Variants in PABPC1 observed in about 807,000 individuals in gnomAD.
The protein encoded by PABPC1 is poly(A) binding protein cytoplasmic 1.
A neutral mutation model predicts 74.0 loss-of-function variants in PABPC1; 4 were observed. That is an observed-to-expected ratio of 0.05 (90% CI 0.03 to 0.12). The LOEUF (loss-of-function observed/expected upper bound fraction) is 0.12. Ranked by LOEUF, PABPC1 falls within the 10% of genes least tolerant of loss-of-function variation. The probability of loss-of-function intolerance (pLI) is 1.00; values close to 1 mark genes in which losing one functional copy is unlikely to be tolerated. For synonymous variants in PABPC1, 227 were observed against 264.1 expected (o/e 0.86, Z 1.36); for missense variants, 271 against 821.1 (o/e 0.33, Z 8.19).
Position 100,721,362 on chromosome 8 carries a change from CCCGG to C in PABPC1, c.193+25_193+28del, listed in dbSNP as rs778923856. On this transcript the variant is annotated intron_variant, in intron 1 of 14. Transcript: ENST00000318607. This position sits in a 1 kb window ranked among gnomAD's most constrained non-coding sequence, Gnocchi z 7.4. ...CCCGAGCCTCATGGCCGCCCGCCCG[CCCGG>C]CCGACCGCGGAGCCCGGCGCTCACC... 1.3e-5 allele frequency: 18 copies of C among 1,391,624 alleles called. No homozygotes were observed. The highest frequency in any genetic ancestry group is 2.9e-5 in the East Asian group (1 of 33,972). The allele number at this position is 1,391,624 out of a possible 1,614,324, so 86.2% of individuals were successfully genotyped here.
chr8:100,720,402 G>A (rs908507262), intron 1 of PABPC1, among the ~76,000 whole-genome samples: 2 of 152,096 alleles, frequency 1.3e-5, no homozygotes, highest in Admixed American at 6.5e-5. Flanking sequence ...AGATTTACAG[G>A]TATCATGGGC....
intron 11 of PABPC1, 48 bp from the exon 12 acceptor site, chr8:100,705,721 G>A (rs377387612): frequency 2.4e-5 from 30 of 1,245,174 alleles, no homozygotes; most frequent in Non-Finnish European, 3.4e-5. Context: ...GAAAAAGATG[G>A]CAAATACAAA....
At position 100,721,603 on chromosome 8, in the gene PABPC1, G is replaced by C. The variant is rs181020675; in HGVS notation, c.-20C>G. The C allele has an allele frequency of 6.6e-7, 1 of 1,515,686 alleles. No individual in the cohort carries two copies. The highest frequency in any genetic ancestry group is 1.4e-5 in the African/African-American group (1 of 71,680). 93.9% of individuals were successfully genotyped at this position (1,515,686 alleles called of 1,614,324 possible). A position where few individuals can be genotyped will look rare whatever the true frequency, so the allele number is the denominator to read the frequency against. On this transcript the variant is annotated 5_prime_UTR_variant, in exon 1 of 15. Transcript: ENST00000318607. The surrounding 1 kb of genome is among the most constrained non-coding windows in gnomAD (Gnocchi z 7.4). Reference sequence around the variant, plus strand: ...GTTCATCTCGGCACGGCTGCCCGCAGGGCCACAGGCCGCGACCTTTCCGTG... The same window carrying C: ...GTTCATCTCGGCACGGCTGCCCGCACGGCCACAGGCCGCGACCTTTCCGTG...
rs898965654 is a variant in PABPC1 at position 100,714,704 on chromosome 8, G to A, written c.643+758C>T. The stretch of plus-strand genomic sequence containing the variant: ...AGATCACGTGACTGCACTCCAGCCC[G>A]GGTGACAGAGCAAGAGTCAAAAAAA... On this transcript the variant is annotated intron_variant, in intron 4 of 14. Transcript: ENST00000318607. Among the ~76,000 whole-genome samples the A allele has an allele frequency of 3.3e-5, 5 of 152,058 alleles. 1 individual carries two copies. Among genetic ancestry groups the A allele is most frequent in the Admixed American group, 6.5e-5 (1 of 15,272 alleles).
rs1191702292 is a variant in PABPC1 at position 100,703,097 on chromosome 8, C to A, written c.*264G>T. 6.1e-6 allele frequency: 1 copy of A among 163,838 alleles called. No homozygotes were observed. Among genetic ancestry groups the A allele is most frequent in the Non-Finnish European group, 1.5e-5 (1 of 68,124 alleles). The allele number at this position is 163,838 out of a possible 1,614,324, so 10.1% of individuals were successfully genotyped here. ...TGTACTTTGCTGAAAATTCTTTTTC[C>A]CAGGGTCTATAAAACATTAATTTGT... On this transcript the variant is annotated 3_prime_UTR_variant, in exon 15 of 15. Transcript: ENST00000318607.
intron 11 of PABPC1, among the ~76,000 whole-genome samples, chr8:100,705,931 C>T (rs1157487963): frequency 6.6e-6 from 1 of 152,226 alleles, no homozygotes; most frequent in Non-Finnish European, 1.5e-5. Context: ...TCGCTGCAAC[C>T]TCCGCCTCCG....
chr8:100,709,762 TAATGGTAG>T (rs1466949227), intron 7 of PABPC1, 31 bp from the exon 8 acceptor site: 1 of 1,566,862 alleles, frequency 6.4e-7, no homozygotes, highest in Admixed American at 2.0e-5. Context: ...AAAGTTAACG[TAATGGTAG>T]AATGAGGAGC....
chr8:100,711,934 C>G (rs1810537715), intron 7 of PABPC1, among the ~76,000 whole-genome samples: 1 of 152,248 alleles, frequency 6.6e-6, no homozygotes, highest in Non-Finnish European at 1.5e-5. Flanking sequence ...TACTAGAATA[C>G]TACTGCTTTG....
At chr8:100,713,321 G>T in intron 4 of PABPC1, 140 bp from the exon 5 acceptor site, 1 of 509,028 alleles carries the variant, frequency 2.0e-6, no homozygotes, top group Non-Finnish European at 3.4e-6. Context: ...CTATGCCCCA[G>T]GTAGGTATAC....
intron 11 of PABPC1, 111 bp downstream of exon 11, chr8:100,706,540 A>T (rs1693555): frequency 1.1e-6 from 1 of 906,566 alleles, no homozygotes; most frequent in South Asian, 1.6e-5. Context: ...GCCTGCCTCA[A>T]CCTCCCAAAG....
intron 3 of PABPC1, 79 bp from the exon 4 acceptor site, chr8:100,715,680 G>C: frequency 9.9e-7 from 1 of 1,008,414 alleles, no homozygotes; most frequent in Non-Finnish European, 1.4e-6. Context: ...GGTTGGTTTT[G>C]TTACTGTTAA....
chr8:100,710,528 A>T (rs533783772), intron 7 of PABPC1, among the ~76,000 whole-genome samples: 13 of 152,360 alleles, frequency 8.5e-5, no homozygotes, highest in African/African-American at 3.1e-4. Flanking sequence ...ACAAATGAAA[A>T]AATGTAGAAC....
rs1193552494 is a variant in PABPC1, at chr8:100,713,157, A to C, written c.668T>G (p.Met223Arg). 6.2e-7 allele frequency: 1 copy of C among 1,610,224 alleles called. No individual in the cohort carries two copies. Among genetic ancestry groups the C allele is most frequent in the Non-Finnish European group, 8.5e-7 (1 of 1,178,692 alleles). ...TTTGGATTTTCCACTTTCATCAGTCATTACTTTCACACTTAAGGCAGGCCC... is the reference window on the plus strand; with the variant it reads ...TTTGGATTTTCCACTTTCATCAGTCCTTACTTTCACACTTAAGGCAGGCCC... ...KFGPALSVKVMTDESGKSKGF... is the reference protein window; with the variant it reads ...KFGPALSVKVRTDESGKSKGF... Residue 223 changes from methionine (M) to arginine (R), a missense_variant, in exon 5 of 15, where the codon ATG (methionine) becomes AGG (arginine). This residue lies in a region of PABPC1 where 78 missense variants were observed against 202.8 expected (regional missense o/e 0.38). Coordinates refer to ENST00000318607, the MANE Select transcript of PABPC1 (RefSeq NM_002568.4).
At chr8:100,705,315 G>A (rs966536703) in intron 12 of PABPC1, among the ~76,000 whole-genome samples, 10 of 152,232 alleles carry the variant, frequency 6.6e-5, no homozygotes, top group Non-Finnish European at 1.0e-4. Flanking sequence ...AAAGTCACAA[G>A]TTTTCTTCTC....
Position 100,709,232 on chromosome 8 carries a change from A to G in PABPC1, c.1246-9T>C, listed in dbSNP as rs748758983. ...GCAGCACGGTTCTGAGTCTGCAGGG[A>G]AAAAAAGCACATGAGTTTATCAGTT... On this transcript the variant is annotated splice_polypyrimidine_tract_variant and intron_variant, in intron 8 of 14. Transcript: ENST00000318607. 47 of 1,584,640 alleles carry G rather than the reference A, an allele frequency of 3.0e-5. 1 individual carries two copies. Among genetic ancestry groups the G allele is most frequent in the South Asian group, 9.0e-5 (8 of 88,508 alleles).
intron 9 of PABPC1, 40 bp from the exon 10 acceptor site, chr8:100,707,037 C>T (rs2129681322): frequency 7.1e-7 from 1 of 1,402,520 alleles, no homozygotes. Flanking sequence ...ACTGGGAAAA[C>T]TTACTGAGTG....
At position 100,721,657 on chromosome 8, in the gene PABPC1, G is replaced by C; in HGVS notation, c.-74C>G. 18 of 1,295,128 alleles carry C rather than the reference G, an allele frequency of 1.4e-5. No individual in the cohort carries two copies. Among genetic ancestry groups the C allele is most frequent in the Non-Finnish European group, 1.8e-5 (18 of 983,152 alleles). 80.2% of individuals were successfully genotyped at this position (1,295,128 alleles called of 1,614,324 possible). ...GGAGGAGAGCGAGTGCCGGGGCTGG[G>C]GGCCGGAGCCGGGGGGAGGGGAGCG... On this transcript the variant is annotated 5_prime_UTR_variant, in exon 1 of 15. Coordinates refer to ENST00000318607, the MANE Select transcript of PABPC1 (RefSeq NM_002568.4). This position sits in a 1 kb window ranked among gnomAD's most constrained non-coding sequence, Gnocchi z 7.4.
chr8:100,712,806 A>AAC lies in PABPC1; in HGVS notation c.739-18_739-17insGT. ...ATCCACAGCCTTCCCCCCAAAAAAA[A>AAC]AGAAAAAAAAAAAATCACAAAACTT... On this transcript the variant is annotated splice_polypyrimidine_tract_variant and intron_variant, in intron 5 of 14. Transcript: ENST00000318607. 2.7e-6 allele frequency: 4 copies of AAC among 1,473,296 alleles called. No homozygotes were observed. Among genetic ancestry groups the AAC allele is most frequent in the Admixed American group, 2.6e-5 (1 of 38,168 alleles). The allele number at this position is 1,473,296 out of a possible 1,614,324, so 91.3% of individuals were successfully genotyped here. A position where few individuals can be genotyped will look rare whatever the true frequency, so the allele number is the denominator to read the frequency against.
Position 100,709,441 on chromosome 8 carries a change from T to C in PABPC1, c.1245+18A>G. The C allele has an allele frequency of 6.2e-7, 1 of 1,614,026 alleles. No individual in the cohort carries two copies. The highest frequency in any genetic ancestry group is 8.5e-7 in the Non-Finnish European group (1 of 1,179,912). On this transcript the variant is annotated intron_variant, in intron 8 of 14. Transcript: ENST00000318607. ...AATACGAAAACCTTCATGGTTCTGG[T>C]TGCCTTCTAAAACCTACCTGTGGGA...
Sources: gnomAD v4.1 joint callset for allele counts (sites outside exome capture counted in the v4.1 genomes callset) on GRCh38, gnomAD v4.1.1 for gene constraint, gnomAD v4.1.1 regional missense constraint, Gnocchi (gnomAD v3.1) non-coding constraint, MANE v1.5 for transcripts, NCBI Gene and HGNC (gene_info 2026-07-23, HGNC 2026-07-21) for gene names.